The following KLC1 variants were observed in gnomAD, a reference collection of about 807,000 sequenced individuals.
The protein encoded by KLC1 is kinesin 2 60/70kDa.
In KLC1, 30 loss-of-function variants were observed where a neutral mutation model predicts 84.2. The observed-to-expected ratio is 0.36, with a 90% CI of 0.27 to 0.48. KLC1 has a LOEUF of 0.48. Ranked by LOEUF, KLC1 falls within the 20% of genes least tolerant of loss-of-function variation. The pLI is 0.99. For synonymous variants in KLC1, 289 were observed against 293.3 expected (o/e 0.99, Z 0.15); for missense variants, 499 against 805.4 (o/e 0.62, Z 4.60).
intron 15 of KLC1, chr14:103,695,515 A>G (rs1373350503): frequency 1.0e-6 from 1 of 985,128 alleles, no homozygotes; most frequent in African/African-American, 1.7e-5. Flanking sequence ...AGGGCTCCGG[A>G]GCTTCCCTTG....
intron 5 of KLC1, among the ~76,000 whole-genome samples, chr14:103,665,404 GTCTT>G (rs889746560): frequency 2.0e-5 from 3 of 151,932 alleles, no homozygotes; most frequent in Non-Finnish European, 4.4e-5. Flanking sequence ...CTGTCTGTCT[GTCTT>G]TCTGTCTTGT....
chr14:103,691,492 G>T (rs1239413967), intron 14 of KLC1, among the ~76,000 whole-genome samples: 1 of 105,508 alleles, frequency 9.5e-6, no homozygotes, highest in Non-Finnish European at 1.8e-5. Flanking sequence ...TTTTTGGTAG[G>T]TGGAGTCTCA....
At chr14:103,687,283 C>G (rs551834340) in intron 14 of KLC1, 72 bp downstream of exon 14, 1 of 1,413,204 alleles carries the variant, frequency 7.1e-7, no homozygotes, top group African/African-American at 1.4e-5. Flanking sequence ...CTAGCGCAGC[C>G]TTCCTCACCC....
intron 15 of KLC1, chr14:103,699,285 CCCACCT>C: frequency 6.5e-7 from 1 of 1,543,036 alleles, no homozygotes; most frequent in Non-Finnish European, 8.7e-7. Context: ...TGCCACCCGC[CCCACCT>C]CCAGACCGGC....
chr14:103,655,665 A>G (rs1338887255), intron 2 of KLC1, among the ~76,000 whole-genome samples: 3 of 150,142 alleles, frequency 2.0e-5, no homozygotes, highest in Non-Finnish European at 4.4e-5. Flanking sequence ...CTGGAGTGCA[A>G]TGGCTCAATC....
In KLC1 at chr14:103,682,774, ATGTATATGTAT is replaced by A. The variant is rs1334366063; in HGVS notation, c.1650+3231_1650+3241del. Reference sequence around the variant, plus strand: ...ATTATATATATATATATGTATATGTATGTATATGTATTTTTTTTTTTTTTTTTTGAGATGGA... The same window carrying A: ...ATTATATATATATATATGTATATGTATTTTTTTTTTTTTTTTTGAGATGGA... On this transcript the variant is annotated intron_variant, in intron 13 of 16. Coordinates refer to ENST00000334553, the MANE Select transcript of KLC1 (RefSeq NM_001394837.1). The A allele has an allele frequency of 1.7e-4, 26 of 149,636 alleles. No individual in the cohort carries two copies. In the East Asian group the frequency reaches 3.6e-3, roughly 21 times the overall value. The allele number at this position is 149,636 out of a possible 1,614,324, so 9.3% of individuals were successfully genotyped here.
At chr14:103,671,164 GAAAT>G (rs1360008660) in intron 7 of KLC1, among the ~76,000 whole-genome samples, 3 of 152,112 alleles carry the variant, frequency 2.0e-5, no homozygotes, top group Non-Finnish European at 4.4e-5. Context: ...GCTGAAAAAT[GAAAT>G]AATTATTATT....
chr14:103,638,919 G>A (rs984337989), intron 1 of KLC1, among the ~76,000 whole-genome samples: 9 of 152,042 alleles, frequency 5.9e-5, no homozygotes, highest in African/African-American at 1.9e-4. Flanking sequence ...GTGTGTGTGC[G>A]TGCATGCAGA....
intron 3 of KLC1, among the ~76,000 whole-genome samples, chr14:103,659,323 T>C (rs965253840): frequency 3.9e-5 from 6 of 152,240 alleles, no homozygotes; most frequent in Admixed American, 3.9e-4. Context: ...ATTTTACTTA[T>C]TTTTAATTTT....
intron 15 of KLC1, chr14:103,696,886 T>G (rs1595602368): frequency 1.1e-6 from 1 of 950,686 alleles, no homozygotes; most frequent in African/African-American, 1.9e-5. Flanking sequence ...GTCAGTGTTC[T>G]GGGACTGACT....
rs1050255160 is a variant in KLC1, at chr14:103,695,798, G to A, written c.1848+3373G>A. On this transcript the variant is annotated intron_variant, in intron 15 of 16. Transcript: ENST00000334553. ...GGCTGTGGGAGCACTGTGTGTTGGG[G>A]TAAGAGAAGCCAGGGGGCCTCCCTG... 3 of 985,302 alleles carry A rather than the reference G, an allele frequency of 3.0e-6. No homozygotes were observed. The African/African-American group carries it at 5.2e-5, about 17-fold the overall frequency. 61.0% of individuals were successfully genotyped at this position (985,302 alleles called of 1,614,324 possible). A position where few individuals can be genotyped will look rare whatever the true frequency, so the allele number is the denominator to read the frequency against.
At chr14:103,643,792 G>T (rs961474487) in intron 1 of KLC1, among the ~76,000 whole-genome samples, 2 of 152,196 alleles carry the variant, frequency 1.3e-5, no homozygotes, top group South Asian at 4.2e-4. Flanking sequence ...GCCTGGCGTG[G>T]TGGTGCATGC....
intron 12 of KLC1, among the ~76,000 whole-genome samples, chr14:103,677,882 G>A (rs541545958): frequency 2.6e-5 from 4 of 151,944 alleles, no homozygotes; most frequent in East Asian, 3.9e-4. Flanking sequence ...CAGGAGAATC[G>A]CTTGAACCTG....
chr14:103,697,927 A>G (rs904428604), intron 15 of KLC1: 5 of 152,504 alleles, frequency 3.3e-5, no homozygotes, highest in Non-Finnish European at 7.3e-5. Context: ...TATCCCTACC[A>G]GAATACCACC....
At chr14:103,697,397 C>A (rs1035538946) in intron 15 of KLC1, among the ~76,000 whole-genome samples, 2 of 151,874 alleles carry the variant, frequency 1.3e-5, no homozygotes, top group Non-Finnish European at 2.9e-5. Flanking sequence ...GTAGGAGCAC[C>A]CACAGGCTCA....
At chr14:103,668,278 G>C (rs1420225807) in intron 5 of KLC1, among the ~76,000 whole-genome samples, 1 of 152,182 alleles carries the variant, frequency 6.6e-6, no homozygotes, top group Non-Finnish European at 1.5e-5. Context: ...CTAGACTGTT[G>C]CACTTATTCT....
intron 3 of KLC1, among the ~76,000 whole-genome samples, chr14:103,661,667 A>T (rs990280748): frequency 6.6e-6 from 1 of 152,120 alleles, no homozygotes; most frequent in African/African-American, 2.4e-5. Flanking sequence ...GGAGGTTTCA[A>T]ACTGCTCCCA....
At chr14:103,642,750 G>A (rs8018979) in intron 1 of KLC1, among the ~76,000 whole-genome samples, 46,021 of 151,252 alleles carry the variant, frequency 0.3, 7,550 homozygotes, top group Middle Eastern at 0.38. Context: ...AATAAATAAT[G>A]TAGTTTTTTG....
In KLC1 at chr14:103,666,275, G is replaced by A. The variant is rs565558773; in HGVS notation, c.798-3236G>A. On this transcript the variant is annotated intron_variant, in intron 5 of 16. Coordinates refer to ENST00000334553, the MANE Select transcript of KLC1 (RefSeq NM_001394837.1). ...AGACGGAGTTTCACCATGTTAGCCAGGATGGTCTTGATCTCCTGACCTTGT... is the reference window on the plus strand; with the variant it reads ...AGACGGAGTTTCACCATGTTAGCCAAGATGGTCTTGATCTCCTGACCTTGT... 1.4e-3 allele frequency among the ~76,000 whole-genome samples: 218 copies of A among 152,190 alleles called. 2 individuals are homozygous for A. The highest frequency in any genetic ancestry group is 4.9e-3 in the African/African-American group (205 of 41,528).
Sources: gnomAD v4.1 joint callset for allele counts (sites outside exome capture counted in the v4.1 genomes callset) on GRCh38, gnomAD v4.1.1 for gene constraint, MANE v1.5 for transcripts, NCBI Gene and HGNC (gene_info 2026-07-23, HGNC 2026-07-21) for gene names.